NCALD: variants seen among roughly 807,000 people sequenced by gnomAD.
NCALD encodes the protein neurocalcin-delta.
NCALD carries 10 observed loss-of-function variants against 18.6 expected under a neutral mutation model. The observed-to-expected ratio is 0.54, with a 90% CI of 0.33 to 0.91. The LOEUF is 0.91. Ranked by LOEUF, NCALD falls within the 40% of genes least tolerant of loss-of-function variation. The pLI, the probability that NCALD is intolerant of heterozygous loss-of-function variation, is 0.03. For synonymous variants in NCALD, 88 were observed against 87.4 expected (o/e 1.01, Z -0.04); for missense variants, 184 against 247.6 (o/e 0.74, Z 1.72).
intron 4 of NCALD, among the ~76,000 whole-genome samples, chr8:101,849,853 G>A (rs911434576): frequency 3.3e-5 from 5 of 152,184 alleles, no homozygotes; most frequent in African/African-American, 1.2e-4. Context: ...CTCTGAGCAA[G>A]GGAAGACAAT....
intron 2 of NCALD, among the ~76,000 whole-genome samples, chr8:101,990,643 A>G (rs1821004755): frequency 6.6e-6 from 1 of 152,198 alleles, no homozygotes; most frequent in African/African-American, 2.4e-5. Context: ...GTCTGCCTCC[A>G]GGTGAGAGGT....
chr8:101,722,811 A>G (rs923295755), intron 1 of NCALD, among the ~76,000 whole-genome samples: 1 of 152,232 alleles, frequency 6.6e-6, no homozygotes, highest in Admixed American at 6.5e-5. Flanking sequence ...TCAGCACAGA[A>G]AGGCCATAAC....
At chr8:101,824,697 T>G (rs538930680) in intron 4 of NCALD, among the ~76,000 whole-genome samples, 2 of 152,290 alleles carry the variant, frequency 1.3e-5, no homozygotes, top group Admixed American at 1.3e-4. Flanking sequence ...CAAGAAACAG[T>G]ATTCCCATCT....
At chr8:101,705,976 T>A (rs569401792) in intron 2 of NCALD, among the ~76,000 whole-genome samples, 1 of 152,340 alleles carries the variant, frequency 6.6e-6, no homozygotes, top group South Asian at 2.1e-4. Flanking sequence ...GGAAAAGTTA[T>A]AATAATATAG....
In NCALD at chr8:101,960,641, T is replaced by G. The variant is rs193271003; in HGVS notation, c.-156-44783A>C. On this transcript the variant is annotated intron_variant, in intron 2 of 6. Transcript: ENST00000311028. ...CCTCTGTGAACCTAGACTTCTCACT[T>G]GTAAAATGAGGAAGTGATAGAAAAG... 3.2e-3 allele frequency among the ~76,000 whole-genome samples: 493 copies of G among 152,252 alleles called. 6 individuals are homozygous for G. The highest frequency in any genetic ancestry group is 0.011 in the African/African-American group (468 of 41,554).
chr8:101,895,124 A>G (rs181385408), intron 3 of NCALD, among the ~76,000 whole-genome samples: 6,657 of 146,488 alleles, frequency 0.045, 333 homozygotes, highest in African/African-American at 0.12. Context: ...ATAAAATACT[A>G]GCAAAACGAA....
intron 2 of NCALD, among the ~76,000 whole-genome samples, chr8:101,982,479 G>A (rs1162920526): frequency 6.6e-6 from 1 of 152,158 alleles, no homozygotes; most frequent in Non-Finnish European, 1.5e-5. Context: ...GAAAGCCACT[G>A]TGCAAGAAGT....
chr8:101,908,556 G>T (rs1383456195), intron 3 of NCALD, among the ~76,000 whole-genome samples: 3 of 152,112 alleles, frequency 2.0e-5, no homozygotes, highest in Non-Finnish European at 4.4e-5. Context: ...CTTAGTAAAT[G>T]CATCATATGA....
intron 3 of NCALD, among the ~76,000 whole-genome samples, chr8:101,895,540 AG>A (rs1320833331): frequency 1.3e-5 from 2 of 150,738 alleles, no homozygotes; most frequent in Non-Finnish European, 2.9e-5. Context: ...AAGGAAATAA[AG>A]GGTATTCAAT....
At chr8:101,905,815 CA>C (rs1265128065) in intron 3 of NCALD, among the ~76,000 whole-genome samples, 1 of 152,196 alleles carries the variant, frequency 6.6e-6, no homozygotes, top group East Asian at 1.9e-4. Context: ...CAAGGAGCAT[CA>C]GAATATGATT....
intron 2 of NCALD, among the ~76,000 whole-genome samples, chr8:101,715,524 G>A (rs1036488585): frequency 1.3e-5 from 2 of 152,150 alleles, no homozygotes; most frequent in African/African-American, 4.8e-5. Context: ...TCATCAGAGT[G>A]AACAGGCAAC....
intron 2 of NCALD, among the ~76,000 whole-genome samples, chr8:101,704,863 A>C (rs1227033646): frequency 1.3e-5 from 2 of 151,338 alleles, no homozygotes; most frequent in Non-Finnish European, 2.9e-5. Flanking sequence ...AGGTTGCAGT[A>C]AGCTGAGATC....
intron 2 of NCALD, among the ~76,000 whole-genome samples, chr8:101,939,072 T>C (rs1328199512): frequency 1.3e-5 from 2 of 152,244 alleles, no homozygotes; most frequent in African/African-American, 4.8e-5. Context: ...TTTATCGCTG[T>C]AGCCTGAGGC....
intron 2 of NCALD, among the ~76,000 whole-genome samples, chr8:101,965,818 T>G (rs984745661): frequency 1.3e-5 from 2 of 152,188 alleles, no homozygotes; most frequent in African/African-American, 2.4e-5. Flanking sequence ...GTAAAAACAC[T>G]TATTTTTGGA....
At chr8:101,871,954 G>C in intron 4 of NCALD, 1 of 749,496 alleles carries the variant, frequency 1.3e-6, no homozygotes, top group South Asian at 1.5e-5. Flanking sequence ...TCTAGATTCA[G>C]ACAGTTTCCA....
chr8:101,766,534 T>C (rs949853833), intron 1 of NCALD, among the ~76,000 whole-genome samples: 1 of 152,124 alleles, frequency 6.6e-6, no homozygotes, highest in Admixed American at 6.6e-5. Flanking sequence ...TACATAAGTG[T>C]TTTAAAAGGG....
chr8:101,753,709 T>C (rs1810755581), intron 1 of NCALD, among the ~76,000 whole-genome samples: 1 of 152,146 alleles, frequency 6.6e-6, no homozygotes, highest in Admixed American at 6.6e-5. Flanking sequence ...GATAGTCTCT[T>C]TCTGCGTCTA....
At chr8:101,932,886 T>C (rs1300248352) in intron 2 of NCALD, among the ~76,000 whole-genome samples, 1 of 152,246 alleles carries the variant, frequency 6.6e-6, no homozygotes, top group Non-Finnish European at 1.5e-5. Context: ...GCAGTTCAGA[T>C]AAATGACTTT....
chr8:102,036,497 G>A (rs937613110), intron 1 of NCALD, among the ~76,000 whole-genome samples: 12 of 151,322 alleles, frequency 7.9e-5, no homozygotes, highest in African/African-American at 2.2e-4. Flanking sequence ...ATAAGAGGCC[G>A]GGTATGGTGG....
Sources: allele counts gnomAD v4.1 joint callset (sites outside exome capture counted in the v4.1 genomes callset), GRCh38; gene constraint gnomAD v4.1.1; transcripts MANE v1.5; gene names NCBI Gene and HGNC (gene_info 2026-07-23, HGNC 2026-07-21).